Variants in PTPRD observed in about 807,000 individuals in gnomAD.
PTPRD encodes receptor-type tyrosine-protein phosphatase delta.
Under a neutral mutation model 214.5 loss-of-function variants are expected in PTPRD, and 34 were observed. The ratio of observed to expected loss-of-function variants is 0.16; its 90% CI spans 0.12 to 0.21. The LOEUF (loss-of-function observed/expected upper bound fraction) is 0.21, where lower values mean the gene tolerates loss of function less well. Ranked by LOEUF, PTPRD falls within the 10% of genes least tolerant of loss-of-function variation. The pLI is 1.00. For missense variants in PTPRD, 2,545 were observed against 2,398.7 expected (o/e 1.06, Z -1.27); for synonymous variants, 1,128 against 845.7 (o/e 1.33, Z -5.79).
chr9:8,527,806 G>C (rs940748855), intron 15 of PTPRD, among the ~76,000 whole-genome samples: 2 of 152,046 alleles, frequency 1.3e-5, no homozygotes. Context: ...GGTAAAGAGA[G>C]AGAGAAAACA....
At chr9:10,410,320 A>C (rs890867154) in intron 2 of PTPRD, among the ~76,000 whole-genome samples, 1 of 146,290 alleles carries the variant, frequency 6.8e-6, no homozygotes, top group African/African-American at 2.5e-5. Flanking sequence ...ATAAAACATA[A>C]ATTTATGATA....
intron 37 of PTPRD, among the ~76,000 whole-genome samples, chr9:8,385,722 G>A (rs1160991975): frequency 6.6e-6 from 1 of 152,122 alleles, no homozygotes; most frequent in African/African-American, 2.4e-5. Context: ...TGATTTTCAT[G>A]TTGTATTATA....
chr9:9,261,648 G>A (rs1175125227), intron 9 of PTPRD, among the ~76,000 whole-genome samples: 3 of 17,620 alleles, frequency 1.7e-4, no homozygotes, highest in African/African-American at 5.9e-4. Context: ...GTGCATGCAC[G>A]TGTGTGTGTG....
At chr9:9,854,757 C>T (rs1420005115) in intron 5 of PTPRD, among the ~76,000 whole-genome samples, 1 of 152,010 alleles carries the variant, frequency 6.6e-6, no homozygotes, top group African/African-American at 2.4e-5. Context: ...CCCCAGAAAA[C>T]CAGCAAAAAC....
At chr9:10,270,603 C>G (rs1030031453) in intron 3 of PTPRD, among the ~76,000 whole-genome samples, 1 of 152,112 alleles carries the variant, frequency 6.6e-6, no homozygotes, top group Non-Finnish European at 1.5e-5. Flanking sequence ...ATTTTTTGAT[C>G]TTCAACTCCT....
At chr9:8,536,642 AG>A (rs758141873) in intron 14 of PTPRD, among the ~76,000 whole-genome samples, 109 of 152,106 alleles carry the variant, frequency 7.2e-4, no homozygotes, top group Admixed American at 1.2e-3. Context: ...CTATACCTTT[AG>A]CCCTTCTGTA....
chr9:10,434,764 G>A (rs1387142824), intron 2 of PTPRD, among the ~76,000 whole-genome samples: 1 of 151,872 alleles, frequency 6.6e-6, no homozygotes, highest in Non-Finnish European at 1.5e-5. Flanking sequence ...TTTTGTCAAA[G>A]CTTATTTTCT....
chr9:10,464,969 G>C (rs1197758216), intron 2 of PTPRD, among the ~76,000 whole-genome samples: 1 of 152,100 alleles, frequency 6.6e-6, no homozygotes, highest in Non-Finnish European at 1.5e-5. Context: ...TTCAAATTCA[G>C]TAACAAACAA....
intron 38 of PTPRD, among the ~76,000 whole-genome samples, 167 bp downstream of exon 38, chr9:8,376,440 A>G (rs1186486596): frequency 6.6e-6 from 1 of 152,106 alleles, no homozygotes; most frequent in African/African-American, 2.4e-5. Context: ...ATAAATCGCC[A>G]GACAAGAAGA....
intron 3 of PTPRD, among the ~76,000 whole-genome samples, chr9:10,137,750 G>T (rs1404665730): frequency 2.0e-5 from 3 of 148,726 alleles, no homozygotes; most frequent in African/African-American, 7.4e-5. Context: ...ATCTCAAACT[G>T]CACAACTACA....
chr9:9,538,787 T>C (rs1357979918), intron 8 of PTPRD, among the ~76,000 whole-genome samples: 1 of 151,880 alleles, frequency 6.6e-6, no homozygotes. Context: ...GAAAAAGGCT[T>C]TGGTTCAAAA....
intron 10 of PTPRD, among the ~76,000 whole-genome samples, chr9:9,080,451 A>G (rs1385750875): frequency 6.6e-6 from 1 of 152,128 alleles, no homozygotes; most frequent in Non-Finnish European, 1.5e-5. Context: ...GAAGCACTTT[A>G]CTTGAATAGA....
chr9:9,895,714 G>T (rs1006296490), intron 5 of PTPRD, among the ~76,000 whole-genome samples: 7 of 152,108 alleles, frequency 4.6e-5, no homozygotes, highest in African/African-American at 1.7e-4. Flanking sequence ...TTGAAAAATG[G>T]TAAGAATGAG....
At chr9:10,077,938 C>G (rs1205368760) in intron 3 of PTPRD, among the ~76,000 whole-genome samples, 1 of 151,734 alleles carries the variant, frequency 6.6e-6, no homozygotes, top group African/African-American at 2.4e-5. Flanking sequence ...TATTACTATA[C>G]TCTAAGTAAC....
chr9:9,576,322 T>A (rs1393088142), intron 7 of PTPRD, among the ~76,000 whole-genome samples: 1 of 152,180 alleles, frequency 6.6e-6, no homozygotes, highest in African/African-American at 2.4e-5. Flanking sequence ...CTCTTTTTGA[T>A]GAAATGTTAG....
At chr9:8,465,374 G>C in intron 32 of PTPRD, 92 bp downstream of exon 32, 2 of 1,150,390 alleles carry the variant, frequency 1.7e-6, no homozygotes, top group South Asian at 1.4e-5. Context: ...AAATAATGAG[G>C]ATGGATATAC....
Position 8,820,663 on chromosome 9 carries a change from T to C in PTPRD, c.-103-86717A>G, listed in dbSNP as rs200866778. ...CTTTTTCTGGCATGGTAATATTTTG[T>C]ATTTAAAGAAATCAATTTCTCAGCG... On this transcript the variant is annotated intron_variant, in intron 11 of 45. Transcript: ENST00000381196. 8.5e-5 allele frequency among the ~76,000 whole-genome samples: 13 copies of C among 152,228 alleles called. No homozygotes were observed. The East Asian group carries it at 2.5e-3, about 29-fold the overall frequency.
chr9:8,933,704 T>C (rs2154286401), intron 11 of PTPRD, among the ~76,000 whole-genome samples: 1 of 152,278 alleles, frequency 6.6e-6, no homozygotes, highest in South Asian at 2.1e-4. Context: ...CCTCTTAGTC[T>C]TTCAGCCAAG....
chr9:8,719,984 A>G (rs984861792), intron 12 of PTPRD, among the ~76,000 whole-genome samples: 3 of 152,242 alleles, frequency 2.0e-5, no homozygotes, highest in African/African-American at 7.2e-5. Context: ...TTTTGATAAC[A>G]GTAATCACCA....
Sources: allele counts gnomAD v4.1 joint callset (sites outside exome capture counted in the v4.1 genomes callset), GRCh38; gene constraint gnomAD v4.1.1; transcripts MANE v1.5; gene names NCBI Gene and HGNC (gene_info 2026-07-23, HGNC 2026-07-21).